The following RHBDD2 variants were observed in gnomAD, a reference collection of about 807,000 sequenced individuals.
RHBDD2 encodes rhomboid domain-containing protein 2.
Under a neutral mutation model 21.7 loss-of-function variants are expected in RHBDD2, and 13 were observed. The ratio of observed to expected loss-of-function variants is 0.60; its 90% confidence interval spans 0.39 to 0.95. The LOEUF (loss-of-function observed/expected upper bound fraction) is 0.95, where lower values mean the gene tolerates loss of function less well. Ranked by LOEUF, RHBDD2 falls within the 40% of genes least tolerant of loss-of-function variation. The probability of loss-of-function intolerance (pLI) is 0.00; values close to 1 mark genes in which losing one functional copy is unlikely to be tolerated. For synonymous variants in RHBDD2, 225 were observed against 220.0 expected (o/e 1.02, Z -0.20); for missense variants, 473 against 478.9 (o/e 0.99, Z 0.11).
chr7:75,882,648 T>TTC (rs1805402958), intron 2 of RHBDD2, among the ~76,000 whole-genome samples: 1 of 152,100 alleles, frequency 6.6e-6, no homozygotes, highest in Non-Finnish European at 1.5e-5. Flanking sequence ...AATTTTTTTT[T>TTC]ACTTTTTTTT....
chr7:75,881,738 G>T, intron 1 of RHBDD2, 91 bp from the exon 2 acceptor site: 1 of 1,295,544 alleles, frequency 7.7e-7, no homozygotes, highest in Non-Finnish European at 1.1e-6. Flanking sequence ...GTCACGGAGG[G>T]GGGCTCTCTG....
In RHBDD2 at chr7:75,882,010, G is replaced by A. The variant is rs1028026846; in HGVS notation, c.360G>A (p.Val120=). ...TCATCTTCCTGTCATTCGAGGCTGTGTCATCACTGTCAAAGCTGGGGGAAG... is the reference window on the plus strand; with the variant it reads ...TCATCTTCCTGTCATTCGAGGCTGTATCATCACTGTCAAAGCTGGGGGAAG... ...SAIIFLSFEA[V]SSLSKLGEVE... Residue 120 remains valine (V), a synonymous_variant, in exon 2 of 4, where the codon GTG becomes GTA. Transcript: ENST00000006777. The A allele has an allele frequency of 9.9e-6, 16 of 1,614,224 alleles. No individual in the cohort carries two copies. Among genetic ancestry groups the A allele is most frequent in the Non-Finnish European group, 1.3e-5 (15 of 1,180,038 alleles).
At chr7:75,879,614 T>C (rs971120332) in intron 1 of RHBDD2, among the ~76,000 whole-genome samples, 1 of 152,288 alleles carries the variant, frequency 6.6e-6, no homozygotes, top group Admixed American at 6.5e-5. Flanking sequence ...CCCTCCCATT[T>C]CACATACACA....
chr7:75,887,816 G>A (rs1219142960), intron 3 of RHBDD2, among the ~76,000 whole-genome samples, 176 bp from the exon 4 acceptor site: 1 of 152,016 alleles, frequency 6.6e-6, no homozygotes, highest in Non-Finnish European at 1.5e-5. Context: ...CACCCTCCCT[G>A]GGCATCTGTG....
chr7:75,881,795 C>A, intron 1 of RHBDD2, 34 bp from the exon 2 acceptor site: 2 of 1,554,922 alleles, frequency 1.3e-6, no homozygotes, highest in Non-Finnish European at 1.7e-6. Context: ...GGGAGCAACC[C>A]GCCGCCAGGC....
chr7:75,883,805 G>C lies in RHBDD2; in HGVS notation c.694G>C (p.Val232Leu). The C allele has an allele frequency of 1.2e-6, 2 of 1,614,034 alleles. No homozygotes were observed. Among genetic ancestry groups the C allele is most frequent in the Non-Finnish European group, 1.7e-6 (2 of 1,179,980 alleles). Residue 232 changes from valine (V) to leucine (L), a missense_variant, in exon 3 of 4, where the codon GTC (valine) becomes CTC (leucine). By Grantham distance (32) the Val-to-Leu change is conservative. Transcript: ENST00000006777. The stretch of plus-strand genomic sequence containing the variant: ...GAGGAGGATATCCGTGTTCAAGTAC[G>C]TCTCAGGGTCTTCAGCCGAGAGGAG... ...LMRRISVFKY[V>L]SGSSAERRAA...
chr7:75,885,852 C>T (rs1805629743), intron 3 of RHBDD2, among the ~76,000 whole-genome samples: 1 of 152,138 alleles, frequency 6.6e-6, no homozygotes, highest in Non-Finnish European at 1.5e-5. Context: ...ACCTCTAGTG[C>T]TGGAACACTG....
At chr7:75,883,877 A>C in intron 3 of RHBDD2, 29 bp downstream of exon 3, 1 of 1,560,160 alleles carries the variant, frequency 6.4e-7, no homozygotes, top group Non-Finnish European at 8.6e-7. Flanking sequence ...AAGTGCTGTT[A>C]AATCTTTTTT....
intron 1 of RHBDD2, 39 bp downstream of exon 1, chr7:75,879,299 G>C: frequency 7.0e-7 from 1 of 1,424,482 alleles, no homozygotes. Flanking sequence ...GCGAGTCCTT[G>C]TCCTCCGACT....
intron 3 of RHBDD2, 38 bp from the exon 4 acceptor site, chr7:75,887,954 C>A: frequency 6.4e-7 from 1 of 1,560,922 alleles, no homozygotes; most frequent in Non-Finnish European, 8.8e-7. Flanking sequence ...CTTGCCAAGA[C>A]TCGCTGAAGG....
rs369162750 is a variant in RHBDD2 at position 75,882,047 on chromosome 7, A to G, written c.397A>G (p.Arg133Gly). The part of the protein sequence containing the change: ...LSKLGEVEDA[R>G]GFTPVAFAML... The stretch of plus-strand genomic sequence containing the variant: ...AAAGCTGGGGGAAGTGGAGGATGCC[A>G]GAGGTTTCACCCCAGTGGCCTTTGC... Residue 133 changes from arginine to glycine, a missense_variant, in exon 2 of 4, where the codon AGA becomes GGA. Transcript: ENST00000006777. 5.1e-5 allele frequency: 82 copies of G among 1,614,080 alleles called. No homozygotes were observed. Among genetic ancestry groups the G allele is most frequent in the Non-Finnish European group, 6.4e-5 (75 of 1,180,046 alleles).
rs10255642 is a variant in RHBDD2 at position 75,881,816 on chromosome 7, A to G, written c.179-13A>G. The G allele has an allele frequency of 0.18, 285,095 of 1,580,084 alleles. 28,558 individuals are homozygous for G. Among genetic ancestry groups the G allele is most frequent in the African/African-American group, 0.38 (28,389 of 74,138 alleles). On this transcript the variant is annotated splice_polypyrimidine_tract_variant and intron_variant, in intron 1 of 3. Transcript: ENST00000006777. ...AACCCGCCGCCAGGCCTCTAACCCG[A>G]CTCCCTCTGCAGTTTACAGGCTGGT...
In RHBDD2 at chr7:75,881,988, T is replaced by C. The variant is rs1554542652; in HGVS notation, c.338T>C (p.Ile113Thr). The change falls in exon 2 of 4, where the codon ATC becomes ACC. Residue 113 changes from isoleucine to threonine, a missense_variant. Physicochemically the swap from Ile to Thr is moderately conservative, Grantham distance 89 (BLOSUM62 -1). Coordinates refer to ENST00000006777, the MANE Select transcript of RHBDD2 (RefSeq NM_001040456.3). ...TVIFAIFSAI[I>T]FLSFEAVSSL... Reference sequence around the variant, plus strand: ...ATCTTCGCCATCTTCTCCGCTATCATCTTCCTGTCATTCGAGGCTGTGTCA... The same window carrying C: ...ATCTTCGCCATCTTCTCCGCTATCACCTTCCTGTCATTCGAGGCTGTGTCA... 6 of 1,614,124 alleles carry C rather than the reference T, an allele frequency of 3.7e-6. No homozygotes were observed. The highest frequency in any genetic ancestry group is 5.1e-6 in the Non-Finnish European group (6 of 1,180,054).
At chr7:75,884,736 T>G (rs1372811702) in intron 3 of RHBDD2, among the ~76,000 whole-genome samples, 2 of 152,186 alleles carry the variant, frequency 1.3e-5, no homozygotes, top group Non-Finnish European at 2.9e-5. Flanking sequence ...GTAGATAGGC[T>G]GGGCAGGAGG....
Position 75,888,118 on chromosome 7 carries a change from CG to C in RHBDD2, c.867del (p.His290ThrfsTer47). Reference protein sequence around the residue: ...KLASWPSCTPGHMPTLPPYQP... With the variant: ...KLASWPSCTPXHMPTLPPYQP... ...TGGCCTCCTGGCCCTCCTGCACCCC[CG>C]GGCACATGCCCACCTTGCCTCCGTA... is the stretch of plus-strand genomic sequence containing the variant. On this transcript the variant is annotated frameshift_variant, in exon 4 of 4. Coordinates refer to ENST00000006777, the MANE Select transcript of RHBDD2 (RefSeq NM_001040456.3). LOFTEE classifies it low-confidence loss of function (END_TRUNC). The C allele has an allele frequency of 6.2e-7, 1 of 1,613,824 alleles. No homozygotes were observed. Among genetic ancestry groups the C allele is most frequent in the Non-Finnish European group, 8.5e-7 (1 of 1,180,044 alleles).
At chr7:75,887,671 C>T (rs1239978741) in intron 3 of RHBDD2, among the ~76,000 whole-genome samples, 1 of 152,058 alleles carries the variant, frequency 6.6e-6, no homozygotes, top group Non-Finnish European at 1.5e-5. Flanking sequence ...CACACAGGCA[C>T]TGGCAGCTGT....
intron 1 of RHBDD2, chr7:75,881,456 C>CCCTCAA: frequency 7.7e-7 from 1 of 1,300,312 alleles, no homozygotes; most frequent in East Asian, 5.4e-5. Flanking sequence ...GAAGCTGTTA[C>CCCTCAA]ACTTAATTAA....
Position 75,888,855 on chromosome 7 carries a change from C to T in RHBDD2, c.*506C>T, listed in dbSNP as rs3735509. ...TCCCCAGAAGCGGTGGGATGGGCCC[C>T]CATGAACTGCAGCAGCATGCTGAGG... is the stretch of plus-strand genomic sequence containing the variant. On this transcript the variant is annotated 3_prime_UTR_variant, in exon 4 of 4. Coordinates refer to ENST00000006777, the MANE Select transcript of RHBDD2 (RefSeq NM_001040456.3). The T allele has an allele frequency of 1.8e-5, 3 of 164,978 alleles. No homozygotes were observed. Among genetic ancestry groups the T allele is most frequent in the Non-Finnish European group, 4.0e-5 (3 of 75,486 alleles). The allele number at this position is 164,978 out of a possible 1,614,324, so 10.2% of individuals were successfully genotyped here.
At chr7:75,881,744 C>G in intron 1 of RHBDD2, 85 bp from the exon 2 acceptor site, 1 of 1,362,672 alleles carries the variant, frequency 7.3e-7, no homozygotes, top group Non-Finnish European at 1.0e-6. Context: ...GAGGGGGGCT[C>G]TCTGCCTTTC....
Sources: gnomAD v4.1 joint callset for allele counts (sites outside exome capture counted in the v4.1 genomes callset) on GRCh38, gnomAD v4.1.1 for gene constraint, MANE v1.5 for transcripts, NCBI Gene and HGNC (gene_info 2026-07-23, HGNC 2026-07-21) for gene names.